CDC14B: variants seen among roughly 807,000 people sequenced by gnomAD.
The protein encoded by CDC14B is cell division cycle 14B.
Under a neutral mutation model 64.2 loss-of-function variants are expected in CDC14B, and 22 were observed. The ratio of observed to expected loss-of-function variants is 0.34; its 90% CI spans 0.24 to 0.49. The LOEUF (loss-of-function observed/expected upper bound fraction) is 0.49, where lower values mean the gene tolerates loss of function less well. CDC14B is among the 20% of genes least tolerant of loss of function. The pLI, the probability that CDC14B is intolerant of heterozygous loss-of-function variation, is 0.99. For synonymous variants in CDC14B, 191 were observed against 215.8 expected (o/e 0.89, Z 1.01); for missense variants, 498 against 629.9 (o/e 0.79, Z 2.24).
chr9:96,603,057 T>G (rs139097256), intron 1 of CDC14B, among the ~76,000 whole-genome samples: 2 of 151,998 alleles, frequency 1.3e-5, no homozygotes, highest in African/African-American at 4.8e-5. Flanking sequence ...TCTCCCTTTG[T>G]TCCAATTCTG....
At chr9:96,538,079 T>G (rs1364262157) in intron 7 of CDC14B, among the ~76,000 whole-genome samples, 2 of 152,194 alleles carry the variant, frequency 1.3e-5, no homozygotes, top group Non-Finnish European at 1.5e-5. Flanking sequence ...CAACCAGAAG[T>G]GTCCTGACAA....
chr9:96,497,048 AAC>A (rs1489683894), downstream of CDC14B, among the ~76,000 whole-genome samples: 1 of 152,184 alleles, frequency 6.6e-6, no homozygotes, highest in Non-Finnish European at 1.5e-5. Flanking sequence ...AACACAGAGA[AAC>A]ACACCCAGGG....
At chr9:96,585,503 A>G (rs1018192473) in intron 1 of CDC14B, among the ~76,000 whole-genome samples, 9 of 152,174 alleles carry the variant, frequency 5.9e-5, no homozygotes, top group African/African-American at 1.9e-4. Flanking sequence ...CAGATACAGG[A>G]ATGGCCTATA....
Position 96,523,739 on chromosome 9 carries a change from G to A in CDC14B, c.947-14C>T. 6.2e-7 allele frequency: 1 copy of A among 1,608,164 alleles called. No individual in the cohort carries two copies. Among genetic ancestry groups the A allele is most frequent in the Non-Finnish European group, 8.5e-7 (1 of 1,175,516 alleles). On this transcript the variant is annotated splice_polypyrimidine_tract_variant and intron_variant, in intron 9 of 13. Coordinates refer to ENST00000375241, the MANE Select transcript of CDC14B (RefSeq NM_033331.4). ...GACCAAGGCCAGCTAGGAAAATAAA[G>A]AAGCACAGAAATGAAACTTGGGCTG...
intron 6 of CDC14B, among the ~76,000 whole-genome samples, chr9:96,541,617 A>G (rs1177092749): frequency 6.6e-6 from 1 of 152,122 alleles, no homozygotes; most frequent in Admixed American, 6.5e-5. Context: ...TTTTCCCCCA[A>G]CTCATACATA....
chr9:96,598,297 A>G (rs1846213369), intron 1 of CDC14B, among the ~76,000 whole-genome samples: 1 of 152,234 alleles, frequency 6.6e-6, no homozygotes, highest in South Asian at 2.1e-4. Flanking sequence ...GCAAAAATCT[A>G]AAAGTTTGGT....
intron 12 of CDC14B, among the ~76,000 whole-genome samples, chr9:96,510,248 T>C (rs758780038): frequency 6.6e-6 from 1 of 152,224 alleles, no homozygotes; most frequent in Non-Finnish European, 1.5e-5. Flanking sequence ...ATCCACTAAA[T>C]CAATACTAAT....
chr9:96,522,635 T>C (rs2131540405), intron 11 of CDC14B, 32 bp from the exon 12 acceptor site: 1 of 1,399,590 alleles, frequency 7.1e-7, no homozygotes, highest in East Asian at 2.3e-5. Context: ...GAGCTAATGA[T>C]TTAAGTTGCA....
intron 9 of CDC14B, among the ~76,000 whole-genome samples, chr9:96,531,861 T>G (rs1036183829): frequency 2.6e-5 from 4 of 152,120 alleles, no homozygotes; most frequent in Admixed American, 6.6e-5. Flanking sequence ...TATTTCCTCT[T>G]CTCAAATGGC....
chr9:96,543,197 G>C (rs1185811028), intron 5 of CDC14B, among the ~76,000 whole-genome samples: 1 of 151,972 alleles, frequency 6.6e-6, no homozygotes, highest in Admixed American at 6.6e-5. Context: ...TGAGCCGGGC[G>C]TGGTGGGGGG....
At chr9:96,554,558 G>GA (rs1256650777) in intron 4 of CDC14B, among the ~76,000 whole-genome samples, 6 of 151,910 alleles carry the variant, frequency 3.9e-5, no homozygotes, top group South Asian at 2.1e-4. Context: ...TCCTATGGGG[G>GA]AAAAAACCCC....
chr9:96,536,672 T>C (rs1251747527), intron 7 of CDC14B, among the ~76,000 whole-genome samples: 2 of 152,178 alleles, frequency 1.3e-5, no homozygotes, highest in African/African-American at 4.8e-5. Flanking sequence ...AAATAATATT[T>C]ACTTTGGACG....
chr9:96,557,857 GT>G (rs1479409115), intron 4 of CDC14B, among the ~76,000 whole-genome samples: 1 of 152,116 alleles, frequency 6.6e-6, no homozygotes, highest in Non-Finnish European at 1.5e-5. Context: ...TGCAAGCTAC[GT>G]GCCAAAAGTT....
chr9:96,498,724 C>T (rs768844938), downstream of CDC14B, among the ~76,000 whole-genome samples: 14 of 152,174 alleles, frequency 9.2e-5, no homozygotes, highest in Middle Eastern at 3.2e-3. Context: ...AGATATGCCC[C>T]GATACTGTTT....
intron 4 of CDC14B, among the ~76,000 whole-genome samples, chr9:96,559,014 T>A (rs1490607110): frequency 6.6e-6 from 1 of 152,148 alleles, no homozygotes. Context: ...TAAAGACAAA[T>A]GAGTACTCAA....
chr9:96,586,537 C>A (rs975560769), intron 1 of CDC14B, among the ~76,000 whole-genome samples: 3 of 152,140 alleles, frequency 2.0e-5, no homozygotes, highest in Admixed American at 2.0e-4. Flanking sequence ...TGGGCTCAGG[C>A]GATCCTCCCA....
In CDC14B at chr9:96,502,527, AT is replaced by A. The variant is rs1165437510; in HGVS notation, c.*1225del. 2 of 208,374 alleles carry A rather than the reference AT, an allele frequency of 9.6e-6. No individual in the cohort carries two copies. Among genetic ancestry groups the A allele is most frequent in the Non-Finnish European group, 9.5e-6 (1 of 105,766 alleles). The allele number at this position is 208,374 out of a possible 1,614,324, so 12.9% of individuals were successfully genotyped here. Reference sequence around the variant, plus strand: ...CACAGGCAAAAATGGCTTAACAATCATTAAACCACCCACTTCTTATGGAAGG... The same window carrying A: ...CACAGGCAAAAATGGCTTAACAATCATAAACCACCCACTTCTTATGGAAGG... On this transcript the variant is annotated 3_prime_UTR_variant, in exon 14 of 14. Coordinates refer to ENST00000375241, the MANE Select transcript of CDC14B (RefSeq NM_033331.4).
chr9:96,599,213 C>T (rs1166034458), intron 1 of CDC14B, among the ~76,000 whole-genome samples: 1 of 152,076 alleles, frequency 6.6e-6, no homozygotes, highest in East Asian at 1.9e-4. Flanking sequence ...AACCCCATCT[C>T]TATTAAAAAT....
intron 1 of CDC14B, among the ~76,000 whole-genome samples, chr9:96,590,074 C>T (rs1032054534): frequency 3.9e-5 from 6 of 152,114 alleles, no homozygotes; most frequent in African/African-American, 9.7e-5. Context: ...TACACTGCTG[C>T]GCAATACATC....
Sources: gnomAD v4.1 joint callset for allele counts (sites outside exome capture counted in the v4.1 genomes callset) on GRCh38, gnomAD v4.1.1 for gene constraint, MANE v1.5 for transcripts, NCBI Gene and HGNC (gene_info 2026-07-23, HGNC 2026-07-21) for gene names.